The following LDB2 variants were observed in gnomAD, a reference collection of about 807,000 sequenced individuals.
The protein encoded by LDB2 is LIM domain binding 2.
Under a neutral mutation model 44.3 loss-of-function variants are expected in LDB2, and 12 were observed. The observed-to-expected ratio is 0.27, with a 90% confidence interval of 0.17 to 0.44. The LOEUF (loss-of-function observed/expected upper bound fraction) is 0.44, where lower values mean the gene tolerates loss of function less well. LDB2 is among the 20% of genes least tolerant of loss of function. LDB2 has a pLI of 1.00. For missense variants in LDB2, 344 were observed against 473.5 expected (o/e 0.73, Z 2.54); for synonymous variants, 164 against 174.8 (o/e 0.94, Z 0.49).
chr4:16,776,045 C>T (rs1203926765), intron 1 of LDB2, among the ~76,000 whole-genome samples: 2 of 152,190 alleles, frequency 1.3e-5, no homozygotes, highest in Non-Finnish European at 2.9e-5. Flanking sequence ...TTGTGGCTTG[C>T]CTGCCAGCAT....
intron 2 of LDB2, among the ~76,000 whole-genome samples, chr4:16,672,138 C>A (rs1224634559): frequency 6.6e-6 from 1 of 152,170 alleles, no homozygotes; most frequent in East Asian, 1.9e-4. Flanking sequence ...TGGAGCAACA[C>A]CCTGTGAGGG....
chr4:16,635,012 A>G (rs1733162442), intron 2 of LDB2, among the ~76,000 whole-genome samples: 2 of 152,150 alleles, frequency 1.3e-5, no homozygotes, highest in African/African-American at 2.4e-5. Context: ...GAAGCTGGAA[A>G]CCATCATTCT....
intron 1 of LDB2, chr4:16,826,454 T>G (rs551107188): frequency 6.6e-6 from 1 of 152,218 alleles, no homozygotes; most frequent in Non-Finnish European, 1.5e-5. Flanking sequence ...CATTTCCTAT[T>G]TCCACCAATG....
intron 1 of LDB2, among the ~76,000 whole-genome samples, chr4:16,868,809 C>T (rs1189193827): frequency 2.6e-5 from 4 of 151,956 alleles, no homozygotes; most frequent in South Asian, 2.1e-4. Context: ...ATGATGATGA[C>T]GATAATGGTG....
chr4:16,855,455 T>C lies in LDB2; in HGVS notation c.132+42899A>G, dbSNP rs138294947. On this transcript the variant is annotated intron_variant, in intron 1 of 7. Transcript: ENST00000304523. Reference sequence around the variant, plus strand: ...ATAAAGACCATACTAGGAAAAACACTTGTATGATTGTTGCAAGCTCAACTA... The same window carrying C: ...ATAAAGACCATACTAGGAAAAACACCTGTATGATTGTTGCAAGCTCAACTA... Among the ~76,000 whole-genome samples, 401 of 152,254 alleles carry C rather than the reference T, an allele frequency of 2.6e-3. 4 individuals are homozygous for C. Among genetic ancestry groups the C allele is most frequent in the African/African-American group, 9.4e-3 (389 of 41,570 alleles).
chr4:16,586,679 AT>A (rs1185549327), intron 4 of LDB2, among the ~76,000 whole-genome samples: 2 of 152,156 alleles, frequency 1.3e-5, no homozygotes, highest in African/African-American at 4.8e-5. Context: ...TGTCAGCCAC[AT>A]TTTAAGAAGG....
chr4:16,586,469 T>G (rs1716830863), intron 4 of LDB2, among the ~76,000 whole-genome samples: 1 of 148,108 alleles, frequency 6.8e-6, no homozygotes, highest in Non-Finnish European at 1.5e-5. Flanking sequence ...ATTGGAAAAC[T>G]TTGCCACTGT....
At position 16,563,542 on chromosome 4, in the gene LDB2, G is replaced by A. The variant is rs867725361; in HGVS notation, c.615+22380C>T. ...CGGCTCACTGCAAACTCCGCCTCCC[G>A]GGTTCACGCCATTCTCCTGCCTCAG... On this transcript the variant is annotated intron_variant, in intron 5 of 7. Coordinates refer to ENST00000304523, the MANE Select transcript of LDB2 (RefSeq NM_001290.5). 9.1e-5 allele frequency among the ~76,000 whole-genome samples: 13 copies of A among 142,486 alleles called. No homozygotes were observed. In the South Asian group the frequency reaches 2.1e-3, roughly 23 times the overall value. 93.5% of individuals were successfully genotyped at this position (142,486 alleles called of 152,430 possible). A position where few individuals can be genotyped will look rare whatever the true frequency, so the allele number is the denominator to read the frequency against.
At chr4:16,897,937 T>TATATAC (rs1201085796) in intron 1 of LDB2, among the ~76,000 whole-genome samples, 2 of 19,050 alleles carry the variant, frequency 1.0e-4, no homozygotes, top group South Asian at 1.2e-3. Context: ...TATATATATA[T>TATATAC]ACACATATGT....
chr4:16,504,949 A>C (rs1365447711), intron 7 of LDB2, among the ~76,000 whole-genome samples: 1 of 152,220 alleles, frequency 6.6e-6, no homozygotes, highest in East Asian at 1.9e-4. Context: ...GAAGGATGTT[A>C]ACCAACCAAG....
chr4:16,590,490 C>CCAG (rs1269003384), intron 3 of LDB2, among the ~76,000 whole-genome samples: 1 of 152,200 alleles, frequency 6.6e-6, no homozygotes, highest in Non-Finnish European at 1.5e-5. Context: ...AACACCACCA[C>CCAG]TTACTGAATT....
chr4:16,602,759 A>G (rs1722911450), intron 2 of LDB2, among the ~76,000 whole-genome samples: 1 of 152,076 alleles, frequency 6.6e-6, no homozygotes, highest in Non-Finnish European at 1.5e-5. Context: ...CTTGCAGTAG[A>G]TGCTAAGTGC....
chr4:16,743,238 C>T (rs747365033), intron 2 of LDB2, among the ~76,000 whole-genome samples: 4 of 151,990 alleles, frequency 2.6e-5, no homozygotes, highest in South Asian at 2.1e-4. Context: ...TGCAGTGAGC[C>T]GGGATCGCAC....
At chr4:16,618,163 C>T (rs11727394) in intron 2 of LDB2, among the ~76,000 whole-genome samples, 3,887 of 152,238 alleles carry the variant, frequency 0.026, 58 homozygotes, top group East Asian at 0.054. Context: ...ACTTAGACTA[C>T]ACCTGGGGAG....
In LDB2 at chr4:16,826,228, A is replaced by C. The variant is rs181502874; in HGVS notation, c.133-66968T>G. On this transcript the variant is annotated intron_variant, in intron 1 of 7. Coordinates refer to ENST00000304523, the MANE Select transcript of LDB2 (RefSeq NM_001290.5). ...AACACTGAGACTAAAACAATATTCG[A>C]ATCATAATTGGACAGGTTGATTTTA... 1.1e-3 allele frequency among the ~76,000 whole-genome samples: 162 copies of C among 152,324 alleles called. 1 individual carries two copies. The highest frequency in any genetic ancestry group is 3.8e-3 in the African/African-American group (156 of 41,582).
At chr4:16,534,655 C>G (rs768182754) in intron 5 of LDB2, among the ~76,000 whole-genome samples, 1 of 152,030 alleles carries the variant, frequency 6.6e-6, no homozygotes, top group East Asian at 1.9e-4. Flanking sequence ...ATGTGGTAGA[C>G]AAAAAGTGAC....
intron 5 of LDB2, among the ~76,000 whole-genome samples, chr4:16,572,224 GT>G (rs542616616): frequency 6.6e-6 from 1 of 151,826 alleles, no homozygotes; most frequent in Non-Finnish European, 1.5e-5. Context: ...CTGATATACT[GT>G]TTTTTTTGTT....
At chr4:16,894,096 A>G (rs2110541928) in intron 1 of LDB2, among the ~76,000 whole-genome samples, 1 of 152,260 alleles carries the variant, frequency 6.6e-6, no homozygotes, top group South Asian at 2.1e-4. Flanking sequence ...CTTTTATTGA[A>G]GCTTTTCACA....
intron 2 of LDB2, among the ~76,000 whole-genome samples, chr4:16,666,631 C>G (rs1486197509): frequency 2.0e-5 from 3 of 152,210 alleles, no homozygotes; most frequent in Non-Finnish European, 2.9e-5. Context: ...GGGTTTTATG[C>G]TGTTTGTGGC....
Sources: allele counts gnomAD v4.1 joint callset (sites outside exome capture counted in the v4.1 genomes callset), GRCh38; gene constraint gnomAD v4.1.1; transcripts MANE v1.5; gene names NCBI Gene and HGNC (gene_info 2026-07-23, HGNC 2026-07-21).